TF: variants seen among roughly 807,000 people sequenced by gnomAD.
The protein encoded by TF is serotransferrin.
TF carries 55 observed loss-of-function variants against 82.4 expected under a neutral mutation model. The observed-to-expected ratio is 0.67, with a 90% CI of 0.54 to 0.84. TF has a LOEUF of 0.84. Among genes scored for constraint, TF ranks in the 40% least tolerant of loss-of-function variants. The pLI, the probability that TF is intolerant of heterozygous loss-of-function variation, is 0.00. For synonymous variants in TF, 332 were observed against 332.6 expected (o/e 1.00, Z 0.02); for missense variants, 737 against 868.4 (o/e 0.85, Z 1.90).
rs41298993 is a variant in TF, at chr3:133,755,508, T to A, written c.635+13T>A. 4,447 of 1,613,900 alleles carry A rather than the reference T, an allele frequency of 2.8e-3. 111 individuals are homozygous for A. In the East Asian group the frequency reaches 0.065, roughly 23 times the overall value. ...CGGGAGCCTTCAAGTGAGTGAGATG[T>A]CTGCTGCTCCATGGTGGCCAAAGTG... On this transcript the variant is annotated intron_variant, in intron 5 of 16. Coordinates refer to ENST00000402696, the MANE Select transcript of TF (RefSeq NM_001063.4).
rs756993571 is a variant in TF, at chr3:133,766,247, A to G, written c.1331-31A>G. ...ACACTCTGGAAGCCCCAGAGGTGTT[A>G]ATACATCCTTTTCTGGTGTCTTTCT... On this transcript the variant is annotated intron_variant, in intron 11 of 16. Transcript: ENST00000402696. 59 of 1,612,126 alleles carry G rather than the reference A, an allele frequency of 3.7e-5. 1 individual carries two copies. Among genetic ancestry groups the G allele is most frequent in the Non-Finnish European group, 4.9e-5 (58 of 1,178,342 alleles).
At chr3:133,668,855 C>G in the TF span, among the ~76,000 whole-genome samples, 2 of 152,126 alleles carry the variant, frequency 1.3e-5, no homozygotes, top group Non-Finnish European at 2.9e-5. Flanking sequence ...TGCACAAAAA[C>G]CCTTGTTTGC....
At chr3:133,669,225 C>T in the TF span, among the ~76,000 whole-genome samples, 1 of 152,110 alleles carries the variant, frequency 6.6e-6, no homozygotes, top group African/African-American at 2.4e-5. Context: ...TGGTCTCAAA[C>T]TCCTGACCTC....
chr3:133,768,143 A>T lies in TF; in HGVS notation c.1601A>T (p.Tyr534Phe). ...LCEPNNKEGY[Y>F]GYTGAFRCLV... ...GAACCCAACAACAAAGAGGGATACT[A>T]CGGCTACACAGGCGCTTTCAGGTGA... The change falls in exon 13 of 17, where the codon TAC (tyrosine) becomes TTC (phenylalanine). Residue 534 changes from tyrosine (Y) to phenylalanine (F), a missense_variant. Tyr to Phe is a conservative substitution (Grantham distance 22). Coordinates refer to ENST00000402696, the MANE Select transcript of TF (RefSeq NM_001063.4). 3 of 1,614,218 alleles carry T rather than the reference A, an allele frequency of 1.9e-6. No individual in the cohort carries two copies. The highest frequency in any genetic ancestry group is 2.5e-6 in the Non-Finnish European group (3 of 1,180,046).
chr3:133,717,401 G>C, the TF span, among the ~76,000 whole-genome samples: 6 of 152,078 alleles, frequency 3.9e-5, no homozygotes, highest in African/African-American at 2.4e-5. Flanking sequence ...TAATATAAGG[G>C]GATACACTCT....
chr3:133,665,286 G>A, the TF span, among the ~76,000 whole-genome samples: 1 of 151,942 alleles, frequency 6.6e-6, no homozygotes, highest in Non-Finnish European at 1.5e-5. Flanking sequence ...GGGCAACATG[G>A]TGAAACCTCA....
At chr3:133,750,331 C>G (rs1933624947) in intron 2 of TF, among the ~76,000 whole-genome samples, 1 of 152,114 alleles carries the variant, frequency 6.6e-6, no homozygotes, top group South Asian at 2.1e-4. Context: ...GAGGTTTGGA[C>G]AGATGTGTCA....
chr3:133,712,561 ATG>A, the TF span: 1 of 152,482 alleles, frequency 6.6e-6, no homozygotes, highest in Non-Finnish European at 1.5e-5. Flanking sequence ...AAATAACTGA[ATG>A]TGTCTTTATC....
rs71136494 is a variant in TF, at chr3:133,771,743, C to CAAAAAAAA, written c.1687+1187_1687+1194dup. Among the ~76,000 whole-genome samples, 65 of 56,540 alleles carry CAAAAAAAA rather than the reference C, an allele frequency of 1.1e-3. 1 individual carries two copies. The highest frequency in any genetic ancestry group is 5.0e-3 in the African/African-American group (50 of 9,970). 37.1% of individuals were successfully genotyped at this position (56,540 alleles called of 152,430 possible). On this transcript the variant is annotated intron_variant, in intron 14 of 16. Coordinates refer to ENST00000402696, the MANE Select transcript of TF (RefSeq NM_001063.4). ...TGGGCGACAGAGCGAGACTCCGTCT[C>CAAAAAAAA]AAAAAAAAAAAAAAAAAAAAAAAGA...
At chr3:133,710,793 C>T in the TF span, among the ~76,000 whole-genome samples, 1 of 152,066 alleles carries the variant, frequency 6.6e-6, no homozygotes, top group Non-Finnish European at 1.5e-5. Context: ...TTAAAATTGG[C>T]CCCCCCACAA....
At position 133,753,842 on chromosome 3, in the gene TF, G is replaced by T. The variant is rs974785033; in HGVS notation, c.325+139G>T. The T allele has an allele frequency of 1.2e-5, 9 of 765,954 alleles. No individual in the cohort carries two copies. The African/African-American group carries it at 1.5e-4, about 13-fold the overall frequency. 47.4% of individuals were successfully genotyped at this position (765,954 alleles called of 1,614,324 possible). Reference sequence around the variant, plus strand: ...GAGTGAGTAGAGAATGAGGGGCCCTGTCAGCTGCCACAGCCACACATCAAG... The same window carrying T: ...GAGTGAGTAGAGAATGAGGGGCCCTTTCAGCTGCCACAGCCACACATCAAG... On this transcript the variant is annotated intron_variant, in intron 3 of 16. Transcript: ENST00000402696.
chr3:133,761,375 A>G (rs1334078242), intron 9 of TF: 2 of 152,316 alleles, frequency 1.3e-5, no homozygotes, highest in Admixed American at 1.3e-4. Context: ...AAAGTAAAAA[A>G]TGGGCTGCCC....
the TF span, among the ~76,000 whole-genome samples, chr3:133,683,249 A>G: frequency 6.6e-6 from 1 of 152,224 alleles, no homozygotes; most frequent in East Asian, 1.9e-4. Context: ...CTGCAAAAAC[A>G]TGCCAAATTG....
chr3:133,667,204 A>T, the TF span, among the ~76,000 whole-genome samples: 25,018 of 151,380 alleles, frequency 0.17, 2,244 homozygotes, highest in Non-Finnish European at 0.2. Flanking sequence ...GTTTTTTTTT[A>T]AAATTAACTG....
At chr3:133,676,370 C>T in the TF span, among the ~76,000 whole-genome samples, 1 of 152,156 alleles carries the variant, frequency 6.6e-6, no homozygotes, top group Non-Finnish European at 1.5e-5. Context: ...CAAGGGGCCC[C>T]TTCCTGTTTT....
the TF span, among the ~76,000 whole-genome samples, chr3:133,691,307 A>G: frequency 1.3e-5 from 2 of 152,300 alleles, no homozygotes; most frequent in South Asian, 4.1e-4. Context: ...TATGGATGGA[A>G]ATATTCTACA....
chr3:133,757,030 C>A (rs1180602739), intron 7 of TF, 21 bp downstream of exon 7: 2 of 1,614,108 alleles, frequency 1.2e-6, no homozygotes, highest in East Asian at 4.5e-5. Context: ...CTGCCATCCT[C>A]CCCTCCAGCT....
At chr3:133,687,274 A>G in the TF span, among the ~76,000 whole-genome samples, 2 of 152,164 alleles carry the variant, frequency 1.3e-5, no homozygotes, top group Non-Finnish European at 2.9e-5. Context: ...CAGCACACCA[A>G]CATGGCACAT....
At position 133,764,804 on chromosome 3, in the gene TF, A is replaced by T. The variant is rs58479550; in HGVS notation, c.1298-71A>T. 2.5e-4 allele frequency: 361 copies of T among 1,432,476 alleles called. No homozygotes were observed. The African/African-American group carries it at 4.6e-3, about 18-fold the overall frequency. The allele number at this position is 1,432,476 out of a possible 1,614,324, so 88.7% of individuals were successfully genotyped here. A position where few individuals can be genotyped will look rare whatever the true frequency, so the allele number is the denominator to read the frequency against. The stretch of plus-strand genomic sequence containing the variant: ...CTTTCTTTATTCTTAGCTGCAGCAT[A>T]AAAAAAAGGCATGGTTTCCCAATCT... On this transcript the variant is annotated intron_variant, in intron 10 of 16. Transcript: ENST00000402696.
Sources: gnomAD v4.1 joint callset for allele counts (sites outside exome capture counted in the v4.1 genomes callset) on GRCh38, gnomAD v4.1.1 for gene constraint, MANE v1.5 for transcripts, NCBI Gene and HGNC (gene_info 2026-07-23, HGNC 2026-07-21) for gene names.